RALYL: variants seen among roughly 807,000 people sequenced by gnomAD.
RALYL encodes the protein RNA-binding Raly-like protein.
A neutral mutation model predicts 35.1 loss-of-function variants in RALYL; 29 were observed. The observed-to-expected ratio is 0.83, with a 90% CI of 0.61 to 1.13. RALYL has a LOEUF of 1.13. Among genes scored for constraint, RALYL ranks in the 50% most tolerant of loss-of-function variants. RALYL has a pLI of 0.00. For missense variants in RALYL, 359 were observed against 360.4 expected (o/e 1.00, Z 0.03); for synonymous variants, 120 against 127.6 (o/e 0.94, Z 0.40).
At chr8:84,691,586 A>C (rs988511560) in intron 2 of RALYL, among the ~76,000 whole-genome samples, 1 of 152,044 alleles carries the variant, frequency 6.6e-6, no homozygotes, top group Admixed American at 6.6e-5. Context: ...AGAGCAAATG[A>C]GCACCTTCTA....
At chr8:84,432,445 T>C (rs756806833) in intron 1 of RALYL, among the ~76,000 whole-genome samples, 1 of 152,106 alleles carries the variant, frequency 6.6e-6, no homozygotes, top group Non-Finnish European at 1.5e-5. Flanking sequence ...AAATCTACTG[T>C]ATTAAATCAT....
intron 7 of RALYL, among the ~76,000 whole-genome samples, chr8:84,874,270 T>G (rs1463943188): frequency 6.6e-6 from 1 of 152,126 alleles, no homozygotes; most frequent in Admixed American, 6.6e-5. Context: ...AGAGTTCCAT[T>G]TCTTATAAAA....
At chr8:84,590,845 A>T (rs1057399136) in intron 2 of RALYL, among the ~76,000 whole-genome samples, 8 of 152,150 alleles carry the variant, frequency 5.3e-5, no homozygotes, top group African/African-American at 1.9e-4. Context: ...GTCTCCTCTG[A>T]CTTTAAGACT....
intron 1 of RALYL, among the ~76,000 whole-genome samples, chr8:84,451,069 A>G (rs1460950503): frequency 6.6e-6 from 1 of 151,974 alleles, no homozygotes; most frequent in Non-Finnish European, 1.5e-5. Context: ...TATTTCAAGT[A>G]AGCATTTCCA....
chr8:84,204,717 C>G (rs1428405152), intron 1 of RALYL, among the ~76,000 whole-genome samples: 1 of 152,184 alleles, frequency 6.6e-6, no homozygotes, highest in Non-Finnish European at 1.5e-5. Context: ...ATATGTTCAA[C>G]TGCTGTCTCC....
At chr8:84,389,345 T>A (rs1377997084) in intron 1 of RALYL, among the ~76,000 whole-genome samples, 1 of 152,094 alleles carries the variant, frequency 6.6e-6, no homozygotes, top group Non-Finnish European at 1.5e-5. Flanking sequence ...TGGTTCCACA[T>A]GAACTTTAAA....
At chr8:84,425,031 G>T (rs1470993693) in intron 1 of RALYL, among the ~76,000 whole-genome samples, 1 of 152,138 alleles carries the variant, frequency 6.6e-6, no homozygotes, top group Admixed American at 6.5e-5. Context: ...CCCAGAGGTG[G>T]AGCCTACAGA....
At position 84,526,559 on chromosome 8, in the gene RALYL, G is replaced by A. The variant is rs190520805; in HGVS notation, c.-23-2740G>A. 1.1e-4 allele frequency among the ~76,000 whole-genome samples: 16 copies of A among 152,224 alleles called. No individual in the cohort carries two copies. The East Asian group carries it at 1.4e-3, about 13-fold the overall frequency. ...TTGCAATAACTTCTTGCCCAGCCTC[G>A]TGAAATTATAGCGTTTGCATACATG... On this transcript the variant is annotated intron_variant, in intron 1 of 8. Coordinates refer to ENST00000521268, the MANE Select transcript of RALYL (RefSeq NM_173848.7).
chr8:84,189,625 G>A (rs1316319210), intron 1 of RALYL, among the ~76,000 whole-genome samples: 4 of 151,478 alleles, frequency 2.6e-5, no homozygotes, highest in African/African-American at 9.7e-5. Context: ...GAGCTCCATA[G>A]GTGGTAAAGG....
intron 2 of RALYL, among the ~76,000 whole-genome samples, chr8:84,701,080 C>G (rs1293476646): frequency 1.3e-5 from 2 of 152,044 alleles, no homozygotes; most frequent in Non-Finnish European, 2.9e-5. Context: ...AGAGAAGGGT[C>G]CCACCCATAC....
chr8:84,444,996 G>A (rs547960032), intron 1 of RALYL, among the ~76,000 whole-genome samples: 1 of 152,104 alleles, frequency 6.6e-6, no homozygotes, highest in East Asian at 1.9e-4. Context: ...TTTTACAAAA[G>A]GGACTTAAAA....
chr8:84,836,767 A>T (rs1832109530), intron 4 of RALYL, among the ~76,000 whole-genome samples: 1 of 152,190 alleles, frequency 6.6e-6, no homozygotes, highest in Admixed American at 6.5e-5. Flanking sequence ...GATACCTCTG[A>T]TTTCACCTTA....
At chr8:84,282,554 C>A (rs1219088107) in intron 1 of RALYL, among the ~76,000 whole-genome samples, 2 of 151,918 alleles carry the variant, frequency 1.3e-5, no homozygotes, top group Non-Finnish European at 2.9e-5. Flanking sequence ...AAGGCTCTTT[C>A]TTTAGCTGCA....
intron 1 of RALYL, among the ~76,000 whole-genome samples, chr8:84,425,798 T>TGA (rs2046358251): frequency 6.6e-6 from 1 of 151,504 alleles, no homozygotes; most frequent in Non-Finnish European, 1.5e-5. Context: ...TGTGTGTGTG[T>TGA]GTGTGTGTGT....
intron 4 of RALYL, among the ~76,000 whole-genome samples, chr8:84,841,709 T>C (rs1025389683): frequency 3.3e-5 from 5 of 152,198 alleles, no homozygotes; most frequent in Non-Finnish European, 7.3e-5. Flanking sequence ...ATTCACCACA[T>C]AGTTGGAAGT....
chr8:84,256,488 C>T (rs1238300716), intron 1 of RALYL, among the ~76,000 whole-genome samples: 3 of 152,158 alleles, frequency 2.0e-5, no homozygotes, highest in East Asian at 3.9e-4. Flanking sequence ...GAAGGTTATA[C>T]TTCCTGTCCT....
chr8:84,721,294 C>A (rs1203703536), intron 2 of RALYL, among the ~76,000 whole-genome samples: 2 of 151,898 alleles, frequency 1.3e-5, no homozygotes, highest in African/African-American at 4.8e-5. Flanking sequence ...GGTTATATAC[C>A]CAAAAGAAAT....
intron 1 of RALYL, among the ~76,000 whole-genome samples, chr8:84,464,534 C>A (rs1178764057): frequency 3.3e-5 from 5 of 150,196 alleles, no homozygotes; most frequent in African/African-American, 4.9e-5. Flanking sequence ...TTAATCCAGT[C>A]TATCATTGTT....
intron 1 of RALYL, among the ~76,000 whole-genome samples, chr8:84,312,380 C>G (rs1369056180): frequency 6.6e-6 from 1 of 152,284 alleles, no homozygotes; most frequent in South Asian, 2.1e-4. Flanking sequence ...CCAGTCATGC[C>G]TTCCCAACAG....
Sources: allele counts gnomAD v4.1 joint callset (sites outside exome capture counted in the v4.1 genomes callset), GRCh38; gene constraint gnomAD v4.1.1; transcripts MANE v1.5; gene names NCBI Gene and HGNC (gene_info 2026-07-23, HGNC 2026-07-21).